The following CPNE4 variants were observed in gnomAD, a reference collection of about 807,000 sequenced individuals.
The protein encoded by CPNE4 is copine 4.
CPNE4 carries 25 observed loss-of-function variants against 67.9 expected under a neutral mutation model. The observed-to-expected ratio is 0.37, with a 90% CI of 0.27 to 0.51. CPNE4 has a LOEUF of 0.51. CPNE4 is among the 20% of genes least tolerant of loss of function. The pLI is 0.93. For synonymous variants in CPNE4, 242 were observed against 244.9 expected (o/e 0.99, Z 0.11); for missense variants, 464 against 690.8 (o/e 0.67, Z 3.68).
intron 5 of CPNE4, among the ~76,000 whole-genome samples, chr3:131,692,591 G>A (rs1180454140): frequency 6.6e-6 from 1 of 152,106 alleles, no homozygotes; most frequent in Non-Finnish European, 1.5e-5. Context: ...ATTCATTTTT[G>A]TATTGTCTAT....
intron 1 of CPNE4, among the ~76,000 whole-genome samples, chr3:131,935,391 G>A (rs1307815604): frequency 6.6e-6 from 1 of 152,178 alleles, no homozygotes; most frequent in African/African-American, 2.4e-5. Context: ...AGATATTTGA[G>A]CAAGTGATCT....
chr3:131,814,885 TGAGC>T (rs1442136462), intron 2 of CPNE4, among the ~76,000 whole-genome samples: 1 of 152,026 alleles, frequency 6.6e-6, no homozygotes, highest in African/African-American at 2.4e-5. Flanking sequence ...ATTACAGGCG[TGAGC>T]CACCGCGCCC....
At chr3:131,755,197 ATT>A (rs556616086) in intron 2 of CPNE4, among the ~76,000 whole-genome samples, 6 of 143,858 alleles carry the variant, frequency 4.2e-5, no homozygotes, top group Admixed American at 7.0e-5. Context: ...GGAATAGGTA[ATT>A]TTTTTTTTTT....
intron 1 of CPNE4, among the ~76,000 whole-genome samples, chr3:131,997,629 C>A (rs61453662): frequency 1.2e-4 from 18 of 152,184 alleles, no homozygotes; most frequent in Middle Eastern, 3.4e-3. Context: ...AATGTACAGC[C>A]TCATATCTTT....
At chr3:131,562,678 G>A (rs1489591924) in intron 11 of CPNE4, among the ~76,000 whole-genome samples, 1 of 151,960 alleles carries the variant, frequency 6.6e-6, no homozygotes, top group Admixed American at 6.6e-5. Context: ...GTTTGGAGAA[G>A]TTTCCAATGT....
At chr3:131,966,406 C>T (rs990233969) in intron 1 of CPNE4, among the ~76,000 whole-genome samples, 1 of 152,000 alleles carries the variant, frequency 6.6e-6, no homozygotes, top group Non-Finnish European at 1.5e-5. Flanking sequence ...ACACAAAAAT[C>T]CCTTCAAAAA....
At chr3:131,830,919 A>G (rs2085344505) in intron 2 of CPNE4, among the ~76,000 whole-genome samples, 1 of 152,122 alleles carries the variant, frequency 6.6e-6, no homozygotes, top group Non-Finnish European at 1.5e-5. Flanking sequence ...GTACAAAGAT[A>G]CAAGGAAAGT....
chr3:131,918,395 GC>G (rs1259400900), intron 1 of CPNE4, among the ~76,000 whole-genome samples: 1 of 152,130 alleles, frequency 6.6e-6, no homozygotes, highest in Non-Finnish European at 1.5e-5. Context: ...GTAGGTACTG[GC>G]AGATACAAAG....
In CPNE4 at chr3:131,764,107, C is replaced by T. The variant is rs147941002; in HGVS notation, c.181-40482G>A. 5.5e-3 allele frequency among the ~76,000 whole-genome samples: 837 copies of T among 152,106 alleles called. 11 individuals carry two copies. The highest frequency in any genetic ancestry group is 0.019 in the African/African-American group (799 of 41,508). On this transcript the variant is annotated intron_variant, in intron 2 of 15. Transcript: ENST00000429747. ...CATGGCTGCTAAATGTCTGACCAGG[C>T]ATTTGAACCCAGCAATTGGACTCCA... is the stretch of plus-strand genomic sequence containing the variant.
intron 1 of CPNE4, among the ~76,000 whole-genome samples, chr3:131,995,518 G>A (rs1157351682): frequency 1.3e-5 from 2 of 152,046 alleles, no homozygotes; most frequent in African/African-American, 4.8e-5. Context: ...TACTTACTCG[G>A]CCACTACCTG....
chr3:131,785,600 C>T (rs1268969633), intron 2 of CPNE4, among the ~76,000 whole-genome samples: 2 of 151,796 alleles, frequency 1.3e-5, no homozygotes, highest in Admixed American at 1.3e-4. Context: ...TGTCTTATTA[C>T]TTCTTGTTCT....
intron 2 of CPNE4, among the ~76,000 whole-genome samples, chr3:131,765,816 G>T (rs2082998012): frequency 1.3e-5 from 2 of 152,192 alleles, no homozygotes; most frequent in South Asian, 4.2e-4. Context: ...AGGCTGCAAG[G>T]AAAAACTTAT....
At chr3:131,576,733 T>C (rs1446453696) in intron 9 of CPNE4, among the ~76,000 whole-genome samples, 1 of 152,012 alleles carries the variant, frequency 6.6e-6, no homozygotes, top group Non-Finnish European at 1.5e-5. Context: ...TGTTTTTTTT[T>C]CATAGGCAGG....
chr3:131,901,035 T>C (rs1328214629), intron 2 of CPNE4, among the ~76,000 whole-genome samples: 2 of 151,966 alleles, frequency 1.3e-5, no homozygotes, highest in East Asian at 3.9e-4. Context: ...ATTTGGGTGT[T>C]CCCAATGAGA....
intron 1 of CPNE4, among the ~76,000 whole-genome samples, chr3:131,997,381 A>T (rs984331405): frequency 6.6e-6 from 1 of 152,130 alleles, no homozygotes; most frequent in African/African-American, 2.4e-5. Context: ...AGCAACAAAA[A>T]GGGGACTCCT....
At chr3:131,655,496 A>G (rs1274019658) in intron 7 of CPNE4, among the ~76,000 whole-genome samples, 1 of 152,232 alleles carries the variant, frequency 6.6e-6, no homozygotes, top group Non-Finnish European at 1.5e-5. Context: ...CAGATGAGCT[A>G]GAGGTAATGC....
At chr3:131,619,578 A>AG (rs1940351544) in intron 7 of CPNE4, among the ~76,000 whole-genome samples, 1 of 152,178 alleles carries the variant, frequency 6.6e-6, no homozygotes. Context: ...CAGAGTAGCT[A>AG]AGTAACTTTT....
At chr3:131,753,855 T>C (rs1239558008) in intron 2 of CPNE4, among the ~76,000 whole-genome samples, 1 of 152,142 alleles carries the variant, frequency 6.6e-6, no homozygotes, top group Non-Finnish European at 1.5e-5. Context: ...TGGGGCAAAC[T>C]ATTAGCAACA....
At chr3:131,666,802 G>GA (rs146049523) in intron 7 of CPNE4, among the ~76,000 whole-genome samples, 49,912 of 151,368 alleles carry the variant, frequency 0.33, 8,575 homozygotes, top group African/African-American at 0.4. Context: ...ATTACAGGGG[G>GA]AAAAAAAAGG....
Sources: gnomAD v4.1 joint callset for allele counts (sites outside exome capture counted in the v4.1 genomes callset) on GRCh38, gnomAD v4.1.1 for gene constraint, MANE v1.5 for transcripts, NCBI Gene and HGNC (gene_info 2026-07-23, HGNC 2026-07-21) for gene names.